The following RGL1 variants were observed in gnomAD, a reference collection of about 807,000 sequenced individuals.
RGL1 encodes ral guanine nucleotide dissociation stimulator like 1.
Under a neutral mutation model 95.2 loss-of-function variants are expected in RGL1, and 24 were observed. The ratio of observed to expected loss-of-function variants is 0.25; its 90% CI spans 0.18 to 0.35. The LOEUF is 0.35. RGL1 is among the 10% of genes least tolerant of loss of function. The pLI, the probability that RGL1 is intolerant of heterozygous loss-of-function variation, is 1.00. For missense variants in RGL1, 715 were observed against 936.3 expected, an observed-to-expected ratio of 0.76 and a Z score of 3.08; for synonymous variants, 329 against 344.9, an observed-to-expected ratio of 0.95 and a Z score of 0.51.
At position 183,902,580 on chromosome 1, in the gene RGL1, A is replaced by C; in HGVS notation, c.1330A>C (p.Asn444His). 6.2e-7 allele frequency: 1 copy of C among 1,611,198 alleles called. No individual in the cohort carries two copies. The highest frequency in any genetic ancestry group is 8.5e-7 in the Non-Finnish European group (1 of 1,179,070). Residue 444 changes from asparagine to histidine, a missense_variant, in exon 12 of 18, where the codon AAC (asparagine) becomes CAC (histidine). Coordinates refer to ENST00000360851, the MANE Select transcript of RGL1 (RefSeq NM_001297671.3). The part of the protein sequence containing the change: ...LQDYIEGGLI[N>H]FEKRRREFEV... ...AAATTTCTTTTAGGGTGGACTGATA[A>C]ACTTTGAGAAAAGGAGAAGGGTAAG...
chr1:183,871,578 G>A (rs1666186183), intron 4 of RGL1, among the ~76,000 whole-genome samples: 1 of 152,182 alleles, frequency 6.6e-6, no homozygotes, highest in South Asian at 2.1e-4. Context: ...GTAAAGCAAA[G>A]AGCAACCCTT....
At chr1:183,648,659 TG>T (rs776474653) in intron 1 of RGL1, 1 of 1,614,240 alleles carries the variant, frequency 6.2e-7, no homozygotes, top group South Asian at 1.1e-5. Flanking sequence ...GGGAAACTCT[TG>T]CTTCTTCACC....
At chr1:183,733,701 T>C (rs541086650) in intron 1 of RGL1, among the ~76,000 whole-genome samples, 10 of 152,334 alleles carry the variant, frequency 6.6e-5, no homozygotes, top group Admixed American at 2.6e-4. Context: ...CTACTCTGTG[T>C]ATAAAGCTTC....
At chr1:183,788,353 G>T (rs1486138095) in intron 2 of RGL1, among the ~76,000 whole-genome samples, 1 of 152,150 alleles carries the variant, frequency 6.6e-6, no homozygotes, top group Non-Finnish European at 1.5e-5. Context: ...GGAAAAATGG[G>T]ACAAATTCCT....
rs2102776439 is a variant in RGL1 at position 183,928,418 on chromosome 1, G to C, written c.*2126G>C. The C allele has an allele frequency of 6.5e-6, 1 of 152,682 alleles. No individual in the cohort carries two copies. The highest frequency in any genetic ancestry group is 2.4e-5 in the African/African-American group (1 of 41,546). The allele number at this position is 152,682 out of a possible 1,614,324, so 9.5% of individuals were successfully genotyped here. ...GTTTCCTGGTGGACAGCCGGGTAAT[G>C]CTTTTAGCTGCTCGCATGCTTGTCT... On this transcript the variant is annotated 3_prime_UTR_variant, in exon 18 of 18. Coordinates refer to ENST00000360851, the MANE Select transcript of RGL1 (RefSeq NM_001297671.3).
At chr1:183,773,379 T>C (rs929527291) in intron 2 of RGL1, among the ~76,000 whole-genome samples, 1 of 152,242 alleles carries the variant, frequency 6.6e-6, no homozygotes, top group Non-Finnish European at 1.5e-5. Flanking sequence ...AATGTTGAGA[T>C]GTTTGTTGAA....
At chr1:183,804,393 T>C (rs1395685028), upstream of RGL1, among the ~76,000 whole-genome samples, 2 of 152,208 alleles carry the variant, frequency 1.3e-5, no homozygotes, top group Non-Finnish European at 2.9e-5. Flanking sequence ...CTATAGCAGA[T>C]CTTTCCATTA....
chr1:183,728,427 C>T (rs943194126), intron 1 of RGL1, among the ~76,000 whole-genome samples: 1 of 152,080 alleles, frequency 6.6e-6, no homozygotes, highest in Non-Finnish European at 1.5e-5. Context: ...CTGGAGAACC[C>T]TGACCACTCC....
Position 183,928,173 on chromosome 1 carries a change from A to AAT in RGL1, c.*1882_*1883insTA, listed in dbSNP as rs1669726000. On this transcript the variant is annotated 3_prime_UTR_variant, in exon 18 of 18. Transcript: ENST00000360851. Reference sequence around the variant, plus strand: ...TTCTTGGTGCGAAGGTAAAAAAAAAAAAATAAATAAAACCATTGGCCTGGT... The same window carrying AAT: ...TTCTTGGTGCGAAGGTAAAAAAAAAAATAAATAAATAAAACCATTGGCCTGGT... The AAT allele has an allele frequency of 6.6e-6, 1 of 152,314 alleles. No homozygotes were observed. The allele number at this position is 152,314 out of a possible 1,614,324, so 9.4% of individuals were successfully genotyped here. A position where few individuals can be genotyped will look rare whatever the true frequency, so the allele number is the denominator to read the frequency against.
intron 1 of RGL1, among the ~76,000 whole-genome samples, chr1:183,684,754 G>A (rs370753080): frequency 3.3e-5 from 5 of 152,212 alleles, no homozygotes; most frequent in East Asian, 1.9e-4. Context: ...TGTGGGTTCC[G>A]AAGACCATGG....
chr1:183,660,079 C>G lies in RGL1; in HGVS notation c.-33+23578C>G, dbSNP rs1457201089. Among the ~76,000 whole-genome samples the G allele has an allele frequency of 3.3e-5, 5 of 152,072 alleles. No homozygotes were observed. In the East Asian group the frequency reaches 9.7e-4, roughly 29 times the overall value. On this transcript the variant is annotated intron_variant, in intron 1 of 18. Transcript: ENST00000304685. ...GAAGCACTAAACATGGAAAGGAACA[C>G]CCGGTACTAGCCACTGCAAAATCAT...
intron 2 of RGL1, among the ~76,000 whole-genome samples, chr1:183,830,897 C>T (rs774533137): frequency 3.3e-5 from 5 of 152,128 alleles, no homozygotes; most frequent in African/African-American, 9.7e-5. Context: ...CATGGAGTTT[C>T]GCATGCATTG....
At chr1:183,742,009 A>G in intron 1 of RGL1, 1 of 705,748 alleles carries the variant, frequency 1.4e-6, no homozygotes, top group Non-Finnish European at 2.3e-6. Context: ...GATGCCTATT[A>G]TGATACTGTC....
intron 15 of RGL1, among the ~76,000 whole-genome samples, chr1:183,914,622 A>G (rs1295773668): frequency 2.0e-5 from 3 of 152,124 alleles, no homozygotes; most frequent in Non-Finnish European, 4.4e-5. Context: ...TTAAGGGTGA[A>G]GTGTAATTTA....
In RGL1 at chr1:183,884,744, C is replaced by A; in HGVS notation, c.757C>A (p.Pro253Thr). Residue 253 changes from proline to threonine, a missense_variant, in exon 7 of 18, where the codon CCT becomes ACT. Around this residue, in one of 3 missense-constraint regions of RGL1, gnomAD observed 381 missense variants for 484.8 expected, o/e 0.79. Coordinates refer to ENST00000360851, the MANE Select transcript of RGL1 (RefSeq NM_001297671.3). ...MDAQLFKKVV[P>T]HHCLGCIWSR... is the part of the protein sequence containing the mutation. ...CCAGCAACTCTTCAAGAAAGTAGTG[C>A]CTCACCACTGCCTGGGCTGCATTTG... 1 of 1,613,980 alleles carries A rather than the reference C, an allele frequency of 6.2e-7. No homozygotes were observed. The highest frequency in any genetic ancestry group is 8.5e-7 in the Non-Finnish European group (1 of 1,179,920).
chr1:183,865,528 G>A (rs112946957), intron 3 of RGL1, among the ~76,000 whole-genome samples: 2,474 of 152,296 alleles, frequency 0.016, 30 homozygotes, highest in Middle Eastern at 0.034. Flanking sequence ...AGACTCTTAA[G>A]TGTAGCCTGG....
At chr1:183,728,583 G>A (rs994184975) in intron 1 of RGL1, among the ~76,000 whole-genome samples, 1 of 152,000 alleles carries the variant, frequency 6.6e-6, no homozygotes, top group Non-Finnish European at 1.5e-5. Context: ...TCAGTTCCTC[G>A]AATTGATTTA....
chr1:183,850,190 A>G (rs1664747886), intron 3 of RGL1, among the ~76,000 whole-genome samples: 1 of 152,098 alleles, frequency 6.6e-6, no homozygotes, highest in African/African-American at 2.4e-5. Context: ...CTGCCTTTTC[A>G]TATCCTTTTG....
chr1:183,909,103 C>T lies in RGL1; in HGVS notation c.1562+2002C>T, dbSNP rs116086282. Among the ~76,000 whole-genome samples, 496 of 152,312 alleles carry T rather than the reference C, an allele frequency of 3.3e-3. 2 individuals are homozygous for T. The highest frequency in any genetic ancestry group is 6.5e-3 in the African/African-American group (272 of 41,568). On this transcript the variant is annotated intron_variant, in intron 14 of 17. Coordinates refer to ENST00000360851, the MANE Select transcript of RGL1 (RefSeq NM_001297671.3). The stretch of plus-strand genomic sequence containing the variant: ...TACTAGTAAAATCTTGCTGGGATAA[C>T]CCTTGGTATCTGCAGTTGAGTTTGG...
Sources: allele counts gnomAD v4.1 joint callset (sites outside exome capture counted in the v4.1 genomes callset), GRCh38; gene constraint gnomAD v4.1.1; regional missense constraint gnomAD v4.1.1; transcripts MANE v1.5; gene names NCBI Gene and HGNC (gene_info 2026-07-23, HGNC 2026-07-21).